The following RBFOX1 variants were observed in gnomAD, a reference collection of about 807,000 sequenced individuals.
The protein encoded by RBFOX1 is RNA binding fox-1 homolog 1.
In RBFOX1, 8 loss-of-function variants were observed where a neutral mutation model predicts 57.7. That is an observed-to-expected ratio of 0.14 (90% CI 0.08 to 0.25). The LOEUF is 0.25. Among genes scored for constraint, RBFOX1 ranks in the 10% least tolerant of loss-of-function variants. The pLI, the probability that RBFOX1 is intolerant of heterozygous loss-of-function variation, is 1.00. For missense variants in RBFOX1, 611 were observed against 548.5 expected, an observed-to-expected ratio of 1.11 and a Z score of -1.14; for synonymous variants, 326 against 222.4, an observed-to-expected ratio of 1.47 and a Z score of -4.15.
chr16:6,000,719 A>C (rs573755718), intron 4 of RBFOX1, among the ~76,000 whole-genome samples: 1 of 148,612 alleles, frequency 6.7e-6, no homozygotes, highest in African/African-American at 2.5e-5. Context: ...GTGGATGGGT[A>C]GATGGGTGGA....
chr16:6,346,855 C>T (rs1166984721), intron 2 of RBFOX1, among the ~76,000 whole-genome samples: 1 of 152,006 alleles, frequency 6.6e-6, no homozygotes, highest in African/African-American at 2.4e-5. Context: ...CTTGACAAGA[C>T]AGAGTTTTCT....
chr16:5,813,072 A>G (rs1009356484), intron 3 of RBFOX1, among the ~76,000 whole-genome samples: 23 of 150,632 alleles, frequency 1.5e-4, no homozygotes, highest in East Asian at 5.9e-4. Context: ...CAGTGGTGCA[A>G]TCTTGGCTCA....
intron 1 of RBFOX1, among the ~76,000 whole-genome samples, chr16:6,076,230 C>G (rs928842015): frequency 5.3e-5 from 8 of 151,542 alleles, no homozygotes; most frequent in Non-Finnish European, 1.2e-4. Flanking sequence ...ACCCGGGAGG[C>G]GGAAGTTGCA....
chr16:7,005,237 GT>G (rs1426323055), intron 3 of RBFOX1, among the ~76,000 whole-genome samples: 1 of 152,124 alleles, frequency 6.6e-6, no homozygotes, highest in African/African-American at 2.4e-5. Context: ...GAAAAGATGA[GT>G]GCTAATAGCT....
chr16:7,389,744 A>C (rs529578735), intron 4 of RBFOX1, among the ~76,000 whole-genome samples: 17 of 152,194 alleles, frequency 1.1e-4, no homozygotes, highest in Admixed American at 2.6e-4. Context: ...TTCAGCAACA[A>C]CACCAATAAT....
chr16:7,251,473 C>A (rs996935217), intron 4 of RBFOX1, among the ~76,000 whole-genome samples: 1 of 148,132 alleles, frequency 6.8e-6, no homozygotes, highest in East Asian at 2.0e-4. Context: ...TGCAGTGGCG[C>A]GGTCTTGGCT....
chr16:5,827,957 CTATCCATG>C (rs2056131229), intron 3 of RBFOX1, among the ~76,000 whole-genome samples: 1 of 145,830 alleles, frequency 6.9e-6, no homozygotes, highest in African/African-American at 2.6e-5. Flanking sequence ...ACCCACCCAC[CTATCCATG>C]CATCCATCCA....
intron 1 of RBFOX1, among the ~76,000 whole-genome samples, chr16:6,155,441 G>C (rs1000890166): frequency 1.3e-5 from 2 of 152,202 alleles, no homozygotes; most frequent in African/African-American, 4.8e-5. Context: ...TGTACAGCGT[G>C]TGTTTTATGA....
At chr16:5,496,208 T>C (rs781090092) in intron 2 of RBFOX1, among the ~76,000 whole-genome samples, 1 of 152,172 alleles carries the variant, frequency 6.6e-6, no homozygotes, top group Non-Finnish European at 1.5e-5. Context: ...CGAGTGCACC[T>C]CCAATCCCTT....
At chr16:6,212,050 G>C (rs935889982) in intron 1 of RBFOX1, among the ~76,000 whole-genome samples, 4 of 151,952 alleles carry the variant, frequency 2.6e-5, no homozygotes, top group African/African-American at 4.8e-5. Context: ...TAGAGATGGA[G>C]TTTTGCCATG....
chr16:5,791,041 A>G (rs1015851382), intron 3 of RBFOX1, among the ~76,000 whole-genome samples: 2 of 151,600 alleles, frequency 1.3e-5, no homozygotes, highest in African/African-American at 2.4e-5. Flanking sequence ...GCAAATTTTT[A>G]TATTTGTAGT....
At chr16:5,959,635 T>A (rs1042988250) in intron 4 of RBFOX1, among the ~76,000 whole-genome samples, 1 of 152,172 alleles carries the variant, frequency 6.6e-6, no homozygotes, top group African/African-American at 2.4e-5. Context: ...TTGGATTGAA[T>A]TTTAAGGATG....
chr16:6,952,658 G>T (rs899215313), intron 3 of RBFOX1, among the ~76,000 whole-genome samples: 1 of 151,694 alleles, frequency 6.6e-6, no homozygotes, highest in African/African-American at 2.4e-5. Context: ...CCAAAAAAAA[G>T]AAAAGAAAAA....
rs1436906754 is a variant in RBFOX1 at position 5,800,049 on chromosome 16, ATATATG to A, written c.319-67249_319-67244del. Among the ~76,000 whole-genome samples, 3 of 152,114 alleles carry A rather than the reference ATATATG, an allele frequency of 2.0e-5. No homozygotes were observed. The East Asian group carries it at 5.8e-4, about 29-fold the overall frequency. On this transcript the variant is annotated intron_variant, in intron 3 of 19. Coordinates refer to the RBFOX1 transcript ENST00000641259. ...GTGTATATTTCCCTATTTTTTATAT[ATATATG>A]TATAAGTATATACATATACATGTCC...
intron 3 of RBFOX1, among the ~76,000 whole-genome samples, chr16:5,637,781 A>G (rs1414344805): frequency 6.6e-6 from 1 of 151,980 alleles, no homozygotes; most frequent in African/African-American, 2.4e-5. Context: ...CATGCTGAAG[A>G]CCACCCTCCC....
intron 3 of RBFOX1, among the ~76,000 whole-genome samples, chr16:6,995,240 A>G (rs1288590677): frequency 6.7e-6 from 1 of 149,666 alleles, no homozygotes; most frequent in Non-Finnish European, 1.5e-5. Context: ...TATGATTTAC[A>G]TTAGTCAAAC....
At chr16:6,040,574 C>CTTTCTG (rs1567314686) in intron 1 of RBFOX1, among the ~76,000 whole-genome samples, 1 of 135,414 alleles carries the variant, frequency 7.4e-6, no homozygotes, top group African/African-American at 2.9e-5. Flanking sequence ...CTTTCTTTCT[C>CTTTCTG]TCTCTCTCTC....
At chr16:6,260,429 G>A (rs1353905121) in intron 1 of RBFOX1, among the ~76,000 whole-genome samples, 1 of 152,150 alleles carries the variant, frequency 6.6e-6, no homozygotes, top group African/African-American at 2.4e-5. Flanking sequence ...GGGCCAGATT[G>A]GGAAGGACTT....
In RBFOX1 at chr16:7,452,537, A is replaced by G. The variant is rs573131221; in HGVS notation, c.28-65610A>G. ...ACACAGGAAAATAAATAAATGATCA[A>G]TGCCTCAGATCCGGGGTCTTACCTG... On this transcript the variant is annotated intron_variant, in intron 4 of 15. Transcript: ENST00000550418. Among the ~76,000 whole-genome samples the G allele has an allele frequency of 4.6e-5, 7 of 152,296 alleles. No homozygotes were observed. The South Asian group carries it at 6.2e-4, about 14-fold the overall frequency.
Sources: allele counts gnomAD v4.1 joint callset (sites outside exome capture counted in the v4.1 genomes callset), GRCh38; gene constraint gnomAD v4.1.1; transcripts MANE v1.5; gene names NCBI Gene and HGNC (gene_info 2026-07-23, HGNC 2026-07-21).